The following DST variants were observed in gnomAD, a reference collection of about 807,000 sequenced individuals.
The protein encoded by DST is bullous pemphigoid antigen.
DST carries 253 observed loss-of-function variants against 875.2 expected under a neutral mutation model. The observed-to-expected ratio is 0.29, with a 90% CI of 0.26 to 0.32. The LOEUF (loss-of-function observed/expected upper bound fraction) is 0.32. Ranked by LOEUF, DST falls within the 10% of genes least tolerant of loss-of-function variation. The pLI is 1.00. For synonymous variants in DST, 3,124 were observed against 3,197.1 expected (o/e 0.98, Z 0.77); for missense variants, 8,287 against 9,111.6 (o/e 0.91, Z 3.68).
chr6:56,522,753 G>C (rs1437595487), intron 69 of DST, among the ~76,000 whole-genome samples: 1 of 145,826 alleles, frequency 6.9e-6, no homozygotes. Context: ...CAAGCAATTA[G>C]AACTGCTGAA....
At chr6:56,602,829 A>G in intron 43 of DST, 53 bp downstream of exon 43, 3 of 1,339,922 alleles carry the variant, frequency 2.2e-6, no homozygotes, top group Non-Finnish European at 2.9e-6. Flanking sequence ...CTTGTTATAT[A>G]TTAAAGTCAT....
intron 4 of DST, among the ~76,000 whole-genome samples, chr6:56,824,252 C>G (rs1317041477): frequency 2.0e-5 from 3 of 152,224 alleles, no homozygotes; most frequent in Non-Finnish European, 2.9e-5. Context: ...CGCGAGTGAT[C>G]CGCCAGCCTC....
At chr6:56,615,916 C>T (rs759636882) in intron 36 of DST, 1 of 1,614,240 alleles carries the variant, frequency 6.2e-7, no homozygotes, top group Admixed American at 1.7e-5. Flanking sequence ...CACACTGTCG[C>T]AGCTGCTGGG....
At chr6:56,555,135 C>G (rs2097390507) in intron 60 of DST, among the ~76,000 whole-genome samples, 1 of 152,110 alleles carries the variant, frequency 6.6e-6, no homozygotes, top group Non-Finnish European at 1.5e-5. Flanking sequence ...ATTTTGCCAA[C>G]AGATTATGTG....
At chr6:56,609,963 A>G (rs1245438323) in intron 39 of DST, among the ~76,000 whole-genome samples, 1 of 152,188 alleles carries the variant, frequency 6.6e-6, no homozygotes, top group African/African-American at 2.4e-5. Context: ...GCCAAATTTT[A>G]AATGATTTAT....
At chr6:56,735,371 A>C in intron 4 of DST, 82 bp from the exon 5 acceptor site, 1 of 870,028 alleles carries the variant, frequency 1.1e-6, no homozygotes, top group South Asian at 1.6e-5. Context: ...ATAAACAAAA[A>C]TGAGATATTT....
chr6:56,954,592 C>A lies in DST; in HGVS notation c.-5G>T, dbSNP rs776869083. Reference sequence around the variant, plus strand: ...GAGGAAAGCCGCGGCGATCATGGTGCGGGCGAGGCGAGGGCGACTCGACGG... The same window carrying A: ...GAGGAAAGCCGCGGCGATCATGGTGAGGGCGAGGCGAGGGCGACTCGACGG... On this transcript the variant is annotated 5_prime_UTR_variant, in exon 1 of 104. Coordinates refer to ENST00000680361, the MANE Select transcript of DST (RefSeq NM_001374736.1). The A allele has an allele frequency of 3.7e-6, 5 of 1,346,940 alleles. No individual in the cohort carries two copies. Among genetic ancestry groups the A allele is most frequent in the East Asian group, 5.0e-5 (1 of 19,932 alleles). 83.4% of individuals were successfully genotyped at this position (1,346,940 alleles called of 1,614,324 possible). A position where few individuals can be genotyped will look rare whatever the true frequency, so the allele number is the denominator to read the frequency against.
intron 45 of DST, 129 bp downstream of exon 45, chr6:56,599,940 C>T (rs1214215600): frequency 1.8e-5 from 13 of 738,128 alleles, no homozygotes; most frequent in African/African-American, 3.6e-5. Flanking sequence ...AAGCCCAGGG[C>T]GTCTTGGGTA....
intron 63 of DST, among the ~76,000 whole-genome samples, chr6:56,534,153 A>T (rs1316237917): frequency 1.3e-5 from 2 of 152,206 alleles, no homozygotes; most frequent in African/African-American, 2.4e-5. Context: ...GAAATAAGCC[A>T]GGTACAGAAA....
intron 90 of DST, among the ~76,000 whole-genome samples, chr6:56,477,966 T>C (rs567892655): frequency 3.9e-5 from 6 of 152,314 alleles, no homozygotes; most frequent in African/African-American, 1.4e-4. Context: ...TCCATTTTAT[T>C]TTTGAATATT....
chr6:56,463,419 A>AATTCCTGTAT, intron 101 of DST, 146 bp downstream of exon 101: 1 of 820,672 alleles, frequency 1.2e-6, no homozygotes, highest in Non-Finnish European at 1.8e-6. Flanking sequence ...TTCAAAAAAA[A>AATTCCTGTAT]ATTCCTGTAT....
At chr6:56,585,288 T>G (rs2098123926) in intron 49 of DST, among the ~76,000 whole-genome samples, 1 of 152,332 alleles carries the variant, frequency 6.6e-6, no homozygotes, top group East Asian at 1.9e-4. Context: ...TATTGGTCTA[T>G]TCAGAGATTC....
intron 2 of DST, among the ~76,000 whole-genome samples, chr6:56,938,145 T>A (rs966112147): frequency 6.0e-5 from 9 of 150,562 alleles, no homozygotes; most frequent in Admixed American, 3.3e-4. Flanking sequence ...TAAAAAAAAA[T>A]TTTTTTGAGA....
intron 4 of DST, among the ~76,000 whole-genome samples, chr6:56,797,609 G>A (rs1000789380): frequency 8.6e-5 from 13 of 152,042 alleles, no homozygotes; most frequent in East Asian, 1.9e-4. Flanking sequence ...TGAGGCAGGC[G>A]AATCACCTGA....
At chr6:56,701,796 C>T in intron 8 of DST, 92 bp downstream of exon 8, 1 of 767,086 alleles carries the variant, frequency 1.3e-6, no homozygotes, top group African/African-American at 1.8e-5. Context: ...AATTCACAGG[C>T]AAATTTAACC....
intron 4 of DST, among the ~76,000 whole-genome samples, chr6:56,743,903 C>T (rs1318624061): frequency 1.3e-5 from 2 of 152,088 alleles, no homozygotes; most frequent in Non-Finnish European, 2.9e-5. Context: ...CCTGTAATCC[C>T]AGTACTTTGG....
At chr6:56,889,875 C>A (rs1437224589) in intron 3 of DST, among the ~76,000 whole-genome samples, 1 of 151,986 alleles carries the variant, frequency 6.6e-6, no homozygotes, top group East Asian at 1.9e-4. Flanking sequence ...CCAATTTTGC[C>A]AATAAAATGA....
chr6:56,632,766 A>T, intron 28 of DST, 88 bp downstream of exon 28: 1 of 1,042,590 alleles, frequency 9.6e-7, no homozygotes, highest in Non-Finnish European at 1.5e-6. Context: ...GATACAATAT[A>T]CCTAAGATTG....
At chr6:56,908,086 C>CATATATATATGTGTGTGTGTATAT (rs1562364037) in intron 2 of DST, among the ~76,000 whole-genome samples, 1 of 147,738 alleles carries the variant, frequency 6.8e-6, no homozygotes, top group African/African-American at 2.5e-5. Context: ...AAAGAAAATA[C>CATATATATATGTGTGTGTGTATAT]ATATATATAT....
Sources: allele counts gnomAD v4.1 joint callset (sites outside exome capture counted in the v4.1 genomes callset), GRCh38; gene constraint gnomAD v4.1.1; transcripts MANE v1.5; gene names NCBI Gene and HGNC (gene_info 2026-07-23, HGNC 2026-07-21).